The following MITF variants were observed in gnomAD, a reference collection of about 807,000 sequenced individuals.
MITF encodes microphthalmia-associated transcription factor.
Under a neutral mutation model 60.5 loss-of-function variants are expected in MITF, and 17 were observed. The ratio of observed to expected loss-of-function variants is 0.28; its 90% CI spans 0.19 to 0.42. The LOEUF is 0.42. Among genes scored for constraint, MITF ranks in the 10% least tolerant of loss-of-function variants. MITF has a pLI of 1.00. For missense variants in MITF, 622 were observed against 683.5 expected (o/e 0.91, Z 1.00); for synonymous variants, 260 against 248.5 (o/e 1.05, Z -0.43).
intron 1 of MITF, chr3:69,866,096 G>T: frequency 9.8e-7 from 1 of 1,024,742 alleles, no homozygotes; most frequent in Non-Finnish European, 1.3e-6. Flanking sequence ...TTGTCCTGCA[G>T]GTACAGTAGG....
At chr3:69,869,725 A>G (rs1020240785) in intron 1 of MITF, among the ~76,000 whole-genome samples, 2 of 152,210 alleles carry the variant, frequency 1.3e-5, no homozygotes, top group African/African-American at 4.8e-5. Context: ...CAAAACATCT[A>G]TCCATAAACT....
chr3:69,895,808 TTGTGTGTGTGTGTGTGTGTGTGTGTG>T (rs35088149), intron 2 of MITF, among the ~76,000 whole-genome samples: 12 of 140,146 alleles, frequency 8.6e-5, no homozygotes, highest in African/African-American at 2.9e-4. Context: ...TGTGGAGTGT[TTGTGTGTGTGTGTGTGTGTGTGTGTG>T]TGTGTGTGTG....
At position 69,968,129 on chromosome 3, in the gene MITF, C is replaced by T. The variant is rs575491126; in HGVS notation, c.*2881C>T. 4.6e-4 allele frequency: 108 copies of T among 233,260 alleles called. No individual in the cohort carries two copies. Among genetic ancestry groups the T allele is most frequent in the Non-Finnish European group, 8.1e-4 (96 of 117,832 alleles). 14.4% of individuals were successfully genotyped at this position (233,260 alleles called of 1,614,324 possible). On this transcript the variant is annotated 3_prime_UTR_variant, in exon 10 of 10. Transcript: ENST00000352241. The stretch of plus-strand genomic sequence containing the variant: ...AGTTGATGTCAATAACAGTATAAAA[C>T]AGCCCTATTTCTTGATAAAAAATGA...
intron 1 of MITF, among the ~76,000 whole-genome samples, chr3:69,760,768 C>A (rs1423735557): frequency 6.6e-6 from 1 of 152,104 alleles, no homozygotes; most frequent in Non-Finnish European, 1.5e-5. Context: ...CTTAGAAATT[C>A]TGGTGTAGGC....
chr3:69,804,585 A>G (rs147785185), intron 1 of MITF, among the ~76,000 whole-genome samples: 4 of 152,280 alleles, frequency 2.6e-5, no homozygotes, highest in African/African-American at 9.6e-5. Context: ...TGAATTTTGG[A>G]AAGTTTATGT....
intron 2 of MITF, chr3:69,936,948 T>A: frequency 1.1e-4 from 15 of 132,980 alleles, no homozygotes; most frequent in East Asian, 2.2e-4. Context: ...AGTAGGATTC[T>A]TTTTTTTTTT....
At chr3:69,934,844 C>A (rs1291011187) in intron 2 of MITF, among the ~76,000 whole-genome samples, 1 of 152,166 alleles carries the variant, frequency 6.6e-6, no homozygotes, top group East Asian at 1.9e-4. Context: ...AGATTATTTT[C>A]TAGTAGTTTG....
intron 7 of MITF, among the ~76,000 whole-genome samples, chr3:69,955,740 G>A (rs751985798): frequency 4.6e-5 from 7 of 152,084 alleles, no homozygotes; most frequent in Non-Finnish European, 8.8e-5. Flanking sequence ...TCATGACCCA[G>A]GAGATGGAGG....
chr3:69,939,084 T>A lies in MITF; in HGVS notation c.583-14T>A, dbSNP rs1007741612. ...AATCCAAGTTATAGACTGTTTTTGC[T>A]TGTGTTTTTGCAGGGATTTTATAAG... is the stretch of plus-strand genomic sequence containing the variant. On this transcript the variant is annotated splice_polypyrimidine_tract_variant and intron_variant, in intron 3 of 9. Transcript: ENST00000352241. 2 of 1,613,492 alleles carry A rather than the reference T, an allele frequency of 1.2e-6. No homozygotes were observed. The highest frequency in any genetic ancestry group is 1.3e-5 in the African/African-American group (1 of 74,932).
intron 1 of MITF, among the ~76,000 whole-genome samples, chr3:69,858,542 G>C (rs980812126): frequency 2.0e-5 from 3 of 152,028 alleles, no homozygotes; most frequent in Non-Finnish European, 4.4e-5. Flanking sequence ...TGTTTACATA[G>C]AAAAAATATA....
chr3:69,937,854 C>T lies in MITF; in HGVS notation c.387C>T (p.Tyr129=). ...CCCACCTCGAAAACCCCACCAAGTA[C>T]CACATACAGCAAGCCCAACGGCAGC... The part of the protein sequence containing the change: ...VQTHLENPTK[Y]HIQQAQRQQV... Residue 129 remains tyrosine, a synonymous_variant, in exon 3 of 10, where the codon TAC becomes TAT. Transcript: ENST00000352241. The T allele has an allele frequency of 1.2e-6, 2 of 1,614,090 alleles. No homozygotes were observed. Among genetic ancestry groups the T allele is most frequent in the Non-Finnish European group, 1.7e-6 (2 of 1,179,982 alleles).
chr3:69,774,235 A>G (rs1369917608), intron 1 of MITF, among the ~76,000 whole-genome samples: 1 of 152,152 alleles, frequency 6.6e-6, no homozygotes, highest in Non-Finnish European at 1.5e-5. Flanking sequence ...GCCCTGAGCA[A>G]TTTGGCTCTG....
At chr3:69,913,096 G>T (rs1307236204) in intron 2 of MITF, among the ~76,000 whole-genome samples, 2 of 152,038 alleles carry the variant, frequency 1.3e-5, no homozygotes, top group South Asian at 2.1e-4. Flanking sequence ...AGAAAAATAT[G>T]TATCATGTAA....
rs1439680236 is a variant in MITF, at chr3:69,739,494, T to C, written c.-104T>C. On this transcript the variant is annotated 5_prime_UTR_variant, in exon 1 of 10. Transcript: ENST00000352241. ...CCGGCGAGCGGGCAGAGCTCGGCAC[T>C]GCGCCGGGGCGCACGGCTCGGGGGA... 1 of 1,123,796 alleles carries C rather than the reference T, an allele frequency of 8.9e-7. No individual in the cohort carries two copies. The highest frequency in any genetic ancestry group is 1.3e-6 in the Non-Finnish European group (1 of 764,352). The allele number at this position is 1,123,796 out of a possible 1,614,324, so 69.6% of individuals were successfully genotyped here.
intron 1 of MITF, among the ~76,000 whole-genome samples, chr3:69,758,247 A>G (rs1276048863): frequency 3.3e-5 from 5 of 151,882 alleles, no homozygotes; most frequent in Admixed American, 1.3e-4. Flanking sequence ...ATAGCTTCCT[A>G]TAGCCTCAAA....
At chr3:69,923,521 T>C (rs2065516323) in intron 2 of MITF, among the ~76,000 whole-genome samples, 1 of 152,144 alleles carries the variant, frequency 6.6e-6, no homozygotes, top group African/African-American at 2.4e-5. Context: ...ATTTTTGTAT[T>C]TTTAGTAGAG....
At chr3:69,909,590 A>G (rs2065178537) in intron 2 of MITF, among the ~76,000 whole-genome samples, 1 of 151,830 alleles carries the variant, frequency 6.6e-6, no homozygotes, top group South Asian at 2.1e-4. Context: ...GATATGAACA[A>G]TAAGGCCCAG....
At chr3:69,746,792 T>A (rs1703743339) in intron 1 of MITF, among the ~76,000 whole-genome samples, 1 of 152,170 alleles carries the variant, frequency 6.6e-6, no homozygotes, top group Admixed American at 6.5e-5. Flanking sequence ...TGCATCTTTA[T>A]AGAGACAAAC....
intron 1 of MITF, among the ~76,000 whole-genome samples, chr3:69,824,129 A>G (rs1262496804): frequency 6.6e-6 from 1 of 152,204 alleles, no homozygotes; most frequent in African/African-American, 2.4e-5. Context: ...ATTAAGACCA[A>G]CTAAAAAGTG....
Sources: allele counts gnomAD v4.1 joint callset (sites outside exome capture counted in the v4.1 genomes callset), GRCh38; gene constraint gnomAD v4.1.1; transcripts MANE v1.5; gene names NCBI Gene and HGNC (gene_info 2026-07-23, HGNC 2026-07-21).